Variants in FHIT observed in about 807,000 individuals in gnomAD.
FHIT encodes the protein fragile histidine triad diadenosine triphosphatase, also known as bis(5'-adenosyl)-triphosphatase.
In FHIT, 19 loss-of-function variants were observed where a neutral mutation model predicts 17.9. The ratio of observed to expected loss-of-function variants is 1.06; its 90% CI spans 0.74 to 1.56. The LOEUF is 1.56. Among genes scored for constraint, FHIT ranks in the 40% most tolerant of loss-of-function variants. FHIT has a pLI of 0.00. For synonymous variants in FHIT, 81 were observed against 69.7 expected, an observed-to-expected ratio of 1.16 and a Z score of -0.81; for missense variants, 248 against 189.2, an observed-to-expected ratio of 1.31 and a Z score of -1.82.
chr3:60,048,400 T>C (rs1439566895), intron 5 of FHIT, among the ~76,000 whole-genome samples: 1 of 151,182 alleles, frequency 6.6e-6, no homozygotes, highest in Non-Finnish European at 1.5e-5. Flanking sequence ...ATGGGCTCGA[T>C]CTCCTGACCT....
At position 60,046,906 on chromosome 3, in the gene FHIT, C is replaced by T. The variant is rs113920526; in HGVS notation, c.104-32754G>A. ...TTCTCTGATCCCACTGTCCCTTTTA[C>T]GCATTACAAGATAACAAAAAGTTAT... is the stretch of plus-strand genomic sequence containing the variant. On this transcript the variant is annotated intron_variant, in intron 5 of 9. Coordinates refer to ENST00000492590, the MANE Select transcript of FHIT (RefSeq NM_002012.4). 8.2e-3 allele frequency among the ~76,000 whole-genome samples: 1,253 copies of T among 152,244 alleles called. 16 individuals carry two copies. Among genetic ancestry groups the T allele is most frequent in the African/African-American group, 0.029 (1,189 of 41,524 alleles).
intron 5 of FHIT, among the ~76,000 whole-genome samples, chr3:60,019,168 T>C (rs1700456966): frequency 6.6e-6 from 1 of 152,172 alleles, no homozygotes; most frequent in Non-Finnish European, 1.5e-5. Flanking sequence ...TCCCAATAGA[T>C]GCAGAATCTC....
At position 60,206,984 on chromosome 3, in the gene FHIT, G is replaced by C. The variant is rs998227987; in HGVS notation, c.104-192832C>G. Among the ~76,000 whole-genome samples the C allele has an allele frequency of 6.6e-5, 10 of 152,186 alleles. No homozygotes were observed. The East Asian group carries it at 1.9e-3, about 29-fold the overall frequency. ...CCTCCCACTAGACCCACCTCAAAAG[G>C]ATATATGTGTGTGAAAACATACATA... On this transcript the variant is annotated intron_variant, in intron 5 of 9. Coordinates refer to ENST00000492590, the MANE Select transcript of FHIT (RefSeq NM_002012.4).
intron 5 of FHIT, among the ~76,000 whole-genome samples, chr3:60,186,032 TTCTA>T (rs1158508007): frequency 2.0e-5 from 3 of 152,196 alleles, no homozygotes; most frequent in African/African-American, 7.2e-5. Context: ...TAAGGGTTCT[TTCTA>T]TATTATGGAT....
At chr3:60,346,935 G>A (rs940981280) in intron 5 of FHIT, among the ~76,000 whole-genome samples, 1 of 152,224 alleles carries the variant, frequency 6.6e-6, no homozygotes, top group Admixed American at 6.5e-5. Flanking sequence ...ATTTTTTCCT[G>A]TAGATCATAT....
At chr3:60,059,796 T>C (rs1702227897) in intron 5 of FHIT, among the ~76,000 whole-genome samples, 1 of 152,178 alleles carries the variant, frequency 6.6e-6, no homozygotes, top group Non-Finnish European at 1.5e-5. Context: ...TTGTTGGGTC[T>C]CCCCTTCTAG....
chr3:60,719,079 A>G (rs2041751851), intron 4 of FHIT, among the ~76,000 whole-genome samples: 1 of 152,178 alleles, frequency 6.6e-6, no homozygotes, highest in South Asian at 2.1e-4. Flanking sequence ...AGCCAGCCCC[A>G]CTATATCAAG....
intron 5 of FHIT, among the ~76,000 whole-genome samples, chr3:60,456,131 C>T (rs997829208): frequency 5.3e-5 from 8 of 152,066 alleles, no homozygotes; most frequent in East Asian, 1.9e-4. Context: ...GATCACATGC[C>T]CCTGAATAAT....
chr3:60,410,190 G>C (rs780397050), intron 5 of FHIT, among the ~76,000 whole-genome samples: 2 of 152,168 alleles, frequency 1.3e-5, no homozygotes, highest in Non-Finnish European at 2.9e-5. Flanking sequence ...GGAGGTATCA[G>C]GCATTTCTGC....
At chr3:60,674,492 A>G (rs1202970952) in intron 4 of FHIT, among the ~76,000 whole-genome samples, 4 of 152,198 alleles carry the variant, frequency 2.6e-5, no homozygotes, top group Non-Finnish European at 1.5e-5. Context: ...CGACACATTT[A>G]GGGAATCTGC....
At chr3:60,144,987 T>A (rs987799465) in intron 5 of FHIT, among the ~76,000 whole-genome samples, 1 of 152,126 alleles carries the variant, frequency 6.6e-6, no homozygotes, top group Non-Finnish European at 1.5e-5. Flanking sequence ...CCCAAATGAT[T>A]TGGAGGAAAA....
At chr3:60,066,333 C>G (rs942489050) in intron 5 of FHIT, among the ~76,000 whole-genome samples, 1 of 152,182 alleles carries the variant, frequency 6.6e-6, no homozygotes, top group Non-Finnish European at 1.5e-5. Flanking sequence ...TTCCCATTCC[C>G]AGGCTGGTCC....
Position 61,083,373 on chromosome 3 carries a change from G to A in FHIT, c.-163-41274C>T, listed in dbSNP as rs868049647. On this transcript the variant is annotated intron_variant, in intron 2 of 9. Coordinates refer to ENST00000492590, the MANE Select transcript of FHIT (RefSeq NM_002012.4). Reference sequence around the variant, plus strand: ...TGGGAGGCCGAGGCGGGCGGATCACGAGGTCAGGAGATCGAGACCATCCTG... The same window carrying A: ...TGGGAGGCCGAGGCGGGCGGATCACAAGGTCAGGAGATCGAGACCATCCTG... Among the ~76,000 whole-genome samples the A allele has an allele frequency of 1.2e-3, 190 of 152,240 alleles. 1 individual carries two copies. Among genetic ancestry groups the A allele is most frequent in the Middle Eastern group, 0.01 (3 of 294 alleles).
At chr3:60,076,717 C>T (rs1353378216) in intron 5 of FHIT, among the ~76,000 whole-genome samples, 3 of 150,912 alleles carry the variant, frequency 2.0e-5, no homozygotes, top group African/African-American at 4.9e-5. Flanking sequence ...ATTCCTACTA[C>T]AATAATTATT....
chr3:59,981,063 A>C (rs1461003002), intron 7 of FHIT, among the ~76,000 whole-genome samples: 1 of 152,164 alleles, frequency 6.6e-6, no homozygotes, highest in African/African-American at 2.4e-5. Context: ...ATTATAAACA[A>C]CAACCACAAA....
In FHIT at chr3:60,873,138, G is replaced by GGAGAGA. The variant is rs71287128; in HGVS notation, c.-110-51133_-110-51128dup. On this transcript the variant is annotated intron_variant, in intron 3 of 9. Coordinates refer to ENST00000492590, the MANE Select transcript of FHIT (RefSeq NM_002012.4). ...GAACAAGGCAGGGAGAGAGGGAGAG[G>GGAGAGA]GAGAGAGAGAGAGAGAGAGAGAGTG... Among the ~76,000 whole-genome samples, 38 of 147,138 alleles carry GGAGAGA rather than the reference G, an allele frequency of 2.6e-4. No individual in the cohort carries two copies. In the South Asian group the frequency reaches 5.9e-3, roughly 23 times the overall value.
intron 4 of FHIT, among the ~76,000 whole-genome samples, chr3:60,786,142 G>T (rs1237208635): frequency 6.6e-6 from 1 of 152,084 alleles, no homozygotes; most frequent in Non-Finnish European, 1.5e-5. Context: ...AAATGAGACA[G>T]CCCTGGGCTG....
chr3:60,751,448 G>C (rs536994011), intron 4 of FHIT, among the ~76,000 whole-genome samples: 2 of 152,238 alleles, frequency 1.3e-5, no homozygotes, highest in African/African-American at 4.8e-5. Context: ...CAAGCAATAA[G>C]GAAAATCCAA....
intron 4 of FHIT, among the ~76,000 whole-genome samples, chr3:60,717,971 T>G (rs1577111106): frequency 6.6e-6 from 1 of 152,344 alleles, no homozygotes; most frequent in East Asian, 1.9e-4. Context: ...ATAAATTTGT[T>G]GTTTAAAATA....
Sources: allele counts gnomAD v4.1 joint callset (sites outside exome capture counted in the v4.1 genomes callset), GRCh38; gene constraint gnomAD v4.1.1; transcripts MANE v1.5; gene names NCBI Gene and HGNC (gene_info 2026-07-23, HGNC 2026-07-21).